The following IL2RB variants were observed in gnomAD, a reference collection of about 807,000 sequenced individuals.
IL2RB encodes the protein interleukin-2 receptor subunit beta.
Under a neutral mutation model 44.2 loss-of-function variants are expected in IL2RB, and 17 were observed. That is an observed-to-expected ratio of 0.38 (90% CI 0.26 to 0.58). The LOEUF (loss-of-function observed/expected upper bound fraction) is 0.58. IL2RB is among the 20% of genes least tolerant of loss of function. The pLI is 0.63. For missense variants in IL2RB, 624 were observed against 685.5 expected (o/e 0.91, Z 1.00); for synonymous variants, 286 against 297.9 (o/e 0.96, Z 0.41).
At chr22:37,169,130 G>C (rs1923180348) in intron 1 of IL2RB, among the ~76,000 whole-genome samples, 2 of 150,874 alleles carry the variant, frequency 1.3e-5, no homozygotes, top group Non-Finnish European at 2.9e-5. Context: ...AGGGGTTCTT[G>C]CTTACAGATG....
intron 1 of IL2RB, among the ~76,000 whole-genome samples, chr22:37,169,917 A>G (rs4821593): frequency 0.21 from 31,267 of 152,094 alleles, 3,389 homozygotes; most frequent in East Asian, 0.34. Flanking sequence ...CCTGGAGCAT[A>G]GGAGGTGCTT....
chr22:37,133,701 C>G (rs185516507), intron 8 of IL2RB, among the ~76,000 whole-genome samples: 5 of 152,352 alleles, frequency 3.3e-5, no homozygotes, highest in Admixed American at 2.0e-4. Context: ...TGGATCCTGT[C>G]CCACTTCTGG....
At chr22:37,145,077 C>T (rs1601604070) in intron 1 of IL2RB, among the ~76,000 whole-genome samples, 1 of 136,436 alleles carries the variant, frequency 7.3e-6, no homozygotes, top group East Asian at 2.6e-4. Flanking sequence ...TGCCTCTGCC[C>T]CTCACTGTCC....
At chr22:37,153,587 C>T (rs1030940347), upstream of IL2RB, among the ~76,000 whole-genome samples, 5 of 152,252 alleles carry the variant, frequency 3.3e-5, no homozygotes, top group African/African-American at 4.8e-5. Context: ...GGCTGTCTGG[C>T]GGCAGGAGAG....
chr22:37,149,723 T>C, intron 1 of IL2RB, 102 bp downstream of exon 1: 1 of 473,130 alleles, frequency 2.1e-6, no homozygotes, highest in Non-Finnish European at 2.8e-6. Flanking sequence ...AGGCAGAAAC[T>C]GCTGGGGGAA....
intron 1 of IL2RB, among the ~76,000 whole-genome samples, chr22:37,161,154 CA>C (rs1366892654): frequency 1.3e-5 from 2 of 151,978 alleles, no homozygotes; most frequent in Non-Finnish European, 2.9e-5. Flanking sequence ...GAAACCAAAA[CA>C]AAAAAACGTG....
intron 5 of IL2RB, among the ~76,000 whole-genome samples, chr22:37,138,066 A>G (rs2146237827): frequency 6.6e-6 from 1 of 152,188 alleles, no homozygotes; most frequent in East Asian, 1.9e-4. Flanking sequence ...GAGGGCAGGG[A>G]CTTGGTTGTC....
At chr22:37,137,465 G>A in intron 6 of IL2RB, 122 bp downstream of exon 6, 3 of 992,078 alleles carry the variant, frequency 3.0e-6, no homozygotes, top group Admixed American at 2.0e-5. Context: ...AAGAGCACTG[G>A]ACTCAGCCAC....
At chr22:37,158,495 T>A (rs1448537403) in intron 1 of IL2RB, among the ~76,000 whole-genome samples, 1 of 151,780 alleles carries the variant, frequency 6.6e-6, no homozygotes, top group African/African-American at 2.4e-5. Flanking sequence ...GAGGCAGAGG[T>A]TGCAGTGAGC....
At chr22:37,157,200 C>T (rs1922710605) in intron 1 of IL2RB, among the ~76,000 whole-genome samples, 1 of 152,202 alleles carries the variant, frequency 6.6e-6, no homozygotes, top group African/African-American at 2.4e-5. Flanking sequence ...GGCTAGCGGC[C>T]GACTTCCTGA....
intron 7 of IL2RB, among the ~76,000 whole-genome samples, chr22:37,135,683 G>C (rs1921652748): frequency 6.6e-6 from 1 of 152,078 alleles, no homozygotes; most frequent in South Asian, 2.1e-4. Flanking sequence ...GGCCCCCCTG[G>C]TGAGCCTACA....
At chr22:37,136,494 C>G in intron 6 of IL2RB, 101 bp from the exon 7 acceptor site, 1 of 1,307,392 alleles carries the variant, frequency 7.6e-7, no homozygotes, top group South Asian at 1.4e-5. Flanking sequence ...CCAGCTGCAC[C>G]CCCACTTCCT....
At chr22:37,137,025 A>C (rs915517901) in intron 6 of IL2RB, among the ~76,000 whole-genome samples, 1 of 152,082 alleles carries the variant, frequency 6.6e-6, no homozygotes, top group Non-Finnish European at 1.5e-5. Context: ...ACTTATCACT[A>C]TCCGGGTGCC....
intron 1 of IL2RB, among the ~76,000 whole-genome samples, chr22:37,147,738 T>C (rs1029456787): frequency 6.6e-6 from 1 of 151,928 alleles, no homozygotes; most frequent in Admixed American, 6.6e-5. Flanking sequence ...GACTGGCAGG[T>C]GCTTATTCGG....
chr22:37,135,087 G>A (rs1171135276), intron 8 of IL2RB, among the ~76,000 whole-genome samples: 3 of 152,170 alleles, frequency 2.0e-5, no homozygotes, highest in Non-Finnish European at 4.4e-5. Context: ...CCCCCCTGTG[G>A]GGATGCGACA....
chr22:37,149,506 T>C (rs1249518223), intron 1 of IL2RB, among the ~76,000 whole-genome samples: 1 of 152,114 alleles, frequency 6.6e-6, no homozygotes, highest in African/African-American at 2.4e-5. Context: ...CACCCATCCC[T>C]TCTCCACCTC....
intron 7 of IL2RB, among the ~76,000 whole-genome samples, chr22:37,135,871 C>T (rs1419456287): frequency 6.6e-6 from 1 of 152,210 alleles, no homozygotes; most frequent in African/African-American, 2.4e-5. Flanking sequence ...GGACATCACA[C>T]GCCTTCCTCA....
chr22:37,136,090 C>T, intron 7 of IL2RB, 138 bp downstream of exon 7: 1 of 922,220 alleles, frequency 1.1e-6, no homozygotes, highest in Non-Finnish European at 1.6e-6. Flanking sequence ...AAAAGCGAGC[C>T]CCCTGCAGGG....
At chr22:37,135,146 G>A (rs1416042886) in intron 8 of IL2RB, among the ~76,000 whole-genome samples, 182 bp downstream of exon 8, 3 of 152,154 alleles carry the variant, frequency 2.0e-5, no homozygotes, top group Non-Finnish European at 2.9e-5. Flanking sequence ...GAGGGTAGAC[G>A]AAGCACGGGT....
Sources: allele counts gnomAD v4.1 joint callset (sites outside exome capture counted in the v4.1 genomes callset), GRCh38; gene constraint gnomAD v4.1.1; transcripts MANE v1.5; gene names NCBI Gene and HGNC (gene_info 2026-07-23, HGNC 2026-07-21).